KHDRBS3: variants seen among roughly 807,000 people sequenced by gnomAD.
KHDRBS3 encodes KH RNA binding domain containing, signal transduction associated 3, also known as KH domain-containing, RNA-binding, signal transduction-associated protein 3.
A neutral mutation model predicts 45.6 loss-of-function variants in KHDRBS3; 23 were observed. The ratio of observed to expected loss-of-function variants is 0.50; its 90% CI spans 0.36 to 0.72. The LOEUF (loss-of-function observed/expected upper bound fraction) is 0.72. KHDRBS3 is among the 30% of genes least tolerant of loss of function. The probability of loss-of-function intolerance (pLI) is 0.00; values close to 1 mark genes in which losing one functional copy is unlikely to be tolerated. For synonymous variants in KHDRBS3, 162 were observed against 156.5 expected (o/e 1.04, Z -0.26); for missense variants, 352 against 424.8 (o/e 0.83, Z 1.51).
chr8:135,521,365 T>C lies in KHDRBS3; in HGVS notation c.207+10T>C, dbSNP rs182818966. On this transcript the variant is annotated intron_variant, in intron 2 of 8. Coordinates refer to ENST00000355849, the MANE Select transcript of KHDRBS3 (RefSeq NM_006558.3). ...AAAACAGTTCCCTAAGGTAAGACAG[T>C]GAGGTCTACACTGCAGGTATTTTAA... 19 of 1,435,910 alleles carry C rather than the reference T, an allele frequency of 1.3e-5. No individual in the cohort carries two copies. In the African/African-American group the frequency reaches 2.5e-4, roughly 19 times the overall value. The allele number at this position is 1,435,910 out of a possible 1,614,324, so 88.9% of individuals were successfully genotyped here.
At chr8:135,611,483 C>G (rs955330866) in intron 7 of KHDRBS3, among the ~76,000 whole-genome samples, 3 of 151,842 alleles carry the variant, frequency 2.0e-5, no homozygotes, top group Admixed American at 2.0e-4. Context: ...AGAAATGGTT[C>G]TATGCACCAT....
intron 1 of KHDRBS3, among the ~76,000 whole-genome samples, chr8:135,483,908 A>G (rs1822713680): frequency 6.6e-6 from 1 of 152,100 alleles, no homozygotes; most frequent in Non-Finnish European, 1.5e-5. Context: ...ATTGGTTTTG[A>G]TGTAAGATGA....
At chr8:135,565,326 A>G (rs1827362261) in intron 5 of KHDRBS3, among the ~76,000 whole-genome samples, 1 of 152,116 alleles carries the variant, frequency 6.6e-6, no homozygotes, top group Non-Finnish European at 1.5e-5. Flanking sequence ...GATTTTTGAA[A>G]CTGAGATCCC....
chr8:135,481,823 A>G (rs1346372075), intron 1 of KHDRBS3, among the ~76,000 whole-genome samples: 1 of 152,178 alleles, frequency 6.6e-6, no homozygotes, highest in Admixed American at 6.5e-5. Context: ...TGTTAAGATA[A>G]TTGGTGCTGT....
intron 7 of KHDRBS3, among the ~76,000 whole-genome samples, chr8:135,644,075 A>C (rs750767178): frequency 1.3e-5 from 2 of 152,182 alleles, no homozygotes; most frequent in Non-Finnish European, 2.9e-5. Flanking sequence ...TACAAAATGG[A>C]GTGGGAAAGA....
intron 3 of KHDRBS3, among the ~76,000 whole-genome samples, chr8:135,544,615 A>C (rs925811695): frequency 1.3e-5 from 2 of 152,200 alleles, no homozygotes; most frequent in Admixed American, 1.3e-4. Flanking sequence ...AGTTGCATGG[A>C]GACTGCTGGG....
chr8:135,554,762 A>T (rs144622038), intron 4 of KHDRBS3, among the ~76,000 whole-genome samples: 2 of 152,190 alleles, frequency 1.3e-5, no homozygotes, highest in Non-Finnish European at 1.5e-5. Context: ...GCCTTCTACT[A>T]CAAGTTTCAA....
At chr8:135,530,399 T>C (rs1825412573) in intron 2 of KHDRBS3, among the ~76,000 whole-genome samples, 1 of 152,076 alleles carries the variant, frequency 6.6e-6, no homozygotes, top group African/African-American at 2.4e-5. Flanking sequence ...ATGGCAAAAA[T>C]TCATGCCGTA....
intron 2 of KHDRBS3, among the ~76,000 whole-genome samples, chr8:135,526,266 T>A (rs1317023398): frequency 6.6e-6 from 1 of 152,032 alleles, no homozygotes; most frequent in African/African-American, 2.4e-5. Context: ...ATCTCAAATA[T>A]TGTTTTTCAT....
chr8:135,600,322 G>T (rs1363084744), intron 6 of KHDRBS3, among the ~76,000 whole-genome samples: 2 of 152,202 alleles, frequency 1.3e-5, no homozygotes, highest in South Asian at 4.1e-4. Flanking sequence ...TCCAGGATCA[G>T]TTACGGTCTC....
chr8:135,582,394 C>G (rs946253064), intron 6 of KHDRBS3, among the ~76,000 whole-genome samples: 3 of 152,186 alleles, frequency 2.0e-5, no homozygotes, highest in African/African-American at 7.2e-5. Flanking sequence ...ATATTTCACT[C>G]CTGAATACTT....
intron 1 of KHDRBS3, among the ~76,000 whole-genome samples, chr8:135,466,772 CA>C (rs1291470493): frequency 6.6e-6 from 1 of 152,182 alleles, no homozygotes; most frequent in Non-Finnish European, 1.5e-5. Context: ...TAACTTTTAG[CA>C]GGGCTGAATG....
intron 7 of KHDRBS3, among the ~76,000 whole-genome samples, chr8:135,623,668 A>G (rs1329285934): frequency 6.6e-6 from 1 of 152,178 alleles, no homozygotes; most frequent in Non-Finnish European, 1.5e-5. Context: ...ATGGGTTCCC[A>G]ATAAAATGGA....
At chr8:135,545,506 A>G (rs891384274) in intron 3 of KHDRBS3, among the ~76,000 whole-genome samples, 5 of 152,222 alleles carry the variant, frequency 3.3e-5, no homozygotes, top group African/African-American at 7.2e-5. Flanking sequence ...TGAGTCTCAC[A>G]TAAGAGACGG....
chr8:135,521,176 G>A, intron 1 of KHDRBS3, 61 bp from the exon 2 acceptor site: 3 of 984,232 alleles, frequency 3.0e-6, no homozygotes, highest in Non-Finnish European at 4.9e-6. Flanking sequence ...GAGCTAACCA[G>A]AACACCCAGC....
intron 3 of KHDRBS3, among the ~76,000 whole-genome samples, chr8:135,543,805 A>G (rs1826158306): frequency 6.6e-6 from 1 of 152,196 alleles, no homozygotes; most frequent in African/African-American, 2.4e-5. Context: ...TGGTTTTCTG[A>G]CAACAGCACC....
At chr8:135,506,809 T>C (rs1016949371) in intron 1 of KHDRBS3, among the ~76,000 whole-genome samples, 2 of 152,194 alleles carry the variant, frequency 1.3e-5, no homozygotes, top group African/African-American at 4.8e-5. Flanking sequence ...ATAATTTCTA[T>C]CTTTGGTCCT....
In KHDRBS3 at chr8:135,483,459, T is replaced by C. The variant is rs184268867; in HGVS notation, c.88+25505T>C. ...GGGGTGTAGTAAGATGTTGTCATGG[T>C]GGCTATGGGAGAAAATGGAGGGAAT... On this transcript the variant is annotated intron_variant, in intron 1 of 8. Transcript: ENST00000355849. Among the ~76,000 whole-genome samples the C allele has an allele frequency of 1.5e-4, 23 of 152,326 alleles. No individual in the cohort carries two copies. The East Asian group carries it at 3.9e-3, about 26-fold the overall frequency.
chr8:135,634,943 A>G (rs4909298), intron 7 of KHDRBS3, among the ~76,000 whole-genome samples: 131,892 of 152,230 alleles, frequency 0.87, 57,244 homozygotes, highest in East Asian at 1. Flanking sequence ...TCCTAGGCCA[A>G]TGGTTCTGAA....
Sources: allele counts gnomAD v4.1 joint callset (sites outside exome capture counted in the v4.1 genomes callset), GRCh38; gene constraint gnomAD v4.1.1; transcripts MANE v1.5; gene names NCBI Gene and HGNC (gene_info 2026-07-23, HGNC 2026-07-21).